Variants in CHAT observed in about 807,000 individuals in gnomAD.
CHAT encodes acetyl CoA:choline O-acetyltransferase.
Under a neutral mutation model 76.9 loss-of-function variants are expected in CHAT, and 61 were observed. The observed-to-expected ratio is 0.79, with a 90% CI of 0.65 to 0.98. The LOEUF (loss-of-function observed/expected upper bound fraction) is 0.98. Ranked by LOEUF, CHAT falls within the 50% of genes least tolerant of loss-of-function variation. The pLI is 0.00. For missense variants in CHAT, 946 were observed against 986.9 expected (o/e 0.96, Z 0.56); for synonymous variants, 407 against 397.4 (o/e 1.02, Z -0.29).
At chr10:49,637,566 CCTG>C (rs1182414810) in intron 7 of CHAT, 1 of 152,602 alleles carries the variant, frequency 6.6e-6, no homozygotes, top group Non-Finnish European at 1.5e-5. Flanking sequence ...CTCTGTCTCT[CCTG>C]CTGCCATGGG....
intron 7 of CHAT, among the ~76,000 whole-genome samples, chr10:49,632,854 T>C (rs1839171398): frequency 6.6e-6 from 1 of 152,112 alleles, no homozygotes; most frequent in Admixed American, 6.5e-5. Context: ...ACTGCCAGGG[T>C]GGCACAGCCC....
intron 7 of CHAT, among the ~76,000 whole-genome samples, chr10:49,632,652 T>C (rs17010202): frequency 0.027 from 4,084 of 152,208 alleles, 154 homozygotes; most frequent in African/African-American, 0.083. Context: ...GATTCTCATG[T>C]GGTCAACTAA....
At chr10:49,616,378 T>C (rs1838495344) in intron 1 of CHAT, 124 bp from the exon 2 acceptor site, 1 of 785,868 alleles carries the variant, frequency 1.3e-6, no homozygotes, top group South Asian at 1.5e-5. Context: ...GAGACCCCTA[T>C]ACACAGCTGT....
upstream of CHAT, chr10:49,612,740 T>TG (rs574209486): frequency 1.6e-4 from 31 of 194,748 alleles, no homozygotes; most frequent in East Asian, 3.1e-3. Flanking sequence ...TCTTTACTGG[T>TG]GGGGGGTGCG....
upstream of CHAT, chr10:49,612,795 T>TC (rs1277619104): frequency 6.0e-6 from 1 of 167,672 alleles, no homozygotes; most frequent in African/African-American, 2.4e-5. Flanking sequence ...GAACTGGGTC[T>TC]CCAAGTCCCA....
chr10:49,618,965 G>A lies in CHAT; in HGVS notation c.388-760G>A, dbSNP rs545114543. On this transcript the variant is annotated intron_variant, in intron 2 of 14. Transcript: ENST00000337653. ...GAGGAGCAGAGGCTTGGAGAGATTC[G>A]GAGAGGAAGGACATCCACTGCATCC... Among the ~76,000 whole-genome samples the A allele has an allele frequency of 5.3e-5, 8 of 152,224 alleles. No homozygotes were observed. The South Asian group carries it at 6.2e-4, about 12-fold the overall frequency.
chr10:49,644,867 T>C (rs1180262092), intron 7 of CHAT, among the ~76,000 whole-genome samples: 2 of 152,116 alleles, frequency 1.3e-5, no homozygotes, highest in East Asian at 3.9e-4. Flanking sequence ...ACCTAGGGGA[T>C]GGTCTTAAAG....
intron 11 of CHAT, among the ~76,000 whole-genome samples, chr10:49,654,721 C>T (rs1373464178): frequency 6.6e-6 from 1 of 152,244 alleles, no homozygotes; most frequent in Non-Finnish European, 1.5e-5. Flanking sequence ...AAACAGGATT[C>T]CCGCATAGGT....
intron 4 of CHAT, 81 bp downstream of exon 4, chr10:49,620,694 G>A: frequency 8.8e-7 from 1 of 1,133,266 alleles, no homozygotes; most frequent in Admixed American, 1.7e-5. Flanking sequence ...GCAAAGAAAG[G>A]CCAAAGCTGG....
intron 7 of CHAT, among the ~76,000 whole-genome samples, chr10:49,632,098 A>C (rs1188204938): frequency 6.6e-6 from 1 of 152,048 alleles, no homozygotes; most frequent in Non-Finnish European, 1.5e-5. Flanking sequence ...GTGGAGGAAA[A>C]CAACAGCATG....
chr10:49,646,668 C>A lies in CHAT; in HGVS notation c.1275C>A (p.Ser425=), dbSNP rs767778694. 279 of 1,613,474 alleles carry A rather than the reference C, an allele frequency of 1.7e-4. No homozygotes were observed. Among genetic ancestry groups the A allele is most frequent in the Non-Finnish European group, 2.3e-4 (270 of 1,180,030 alleles). ...KNGANRWYDK[S]LQFVVGRDGT... ...GGGCCAATCGCTGGTACGACAAGTC[C>A]CTGCAGGTAAGCCGTCCAGGTGGCC... Residue 425 remains serine, a synonymous_variant, in exon 8 of 15, where the codon TCC becomes TCA. Transcript: ENST00000337653.
At chr10:49,616,455 G>A (rs987706946) in intron 1 of CHAT, 47 bp from the exon 2 acceptor site, 30 of 1,429,796 alleles carry the variant, frequency 2.1e-5, no homozygotes, top group Non-Finnish European at 2.5e-5. Flanking sequence ...GTTTGTGACA[G>A]GCCTATGTGG....
Position 49,616,559 on chromosome 10 carries a change from T to TC in CHAT, c.349dup (p.Arg117ProfsTer2). On this transcript the variant is annotated frameshift_variant, in exon 2 of 15. Transcript: ENST00000337653. LOFTEE classifies it high-confidence loss of function. ...ACCAAGACGCCCATCCTGGAAAAGG[T>TC]CCCCCGTAAGATGGCAGCAAAAACT... is the stretch of plus-strand genomic sequence containing the variant. 1 of 1,612,806 alleles carries TC rather than the reference T, an allele frequency of 6.2e-7. No homozygotes were observed. Among genetic ancestry groups the TC allele is most frequent in the Non-Finnish European group, 8.5e-7 (1 of 1,179,426 alleles).
chr10:49,652,414 C>G (rs1395219740), intron 11 of CHAT, among the ~76,000 whole-genome samples: 1 of 152,148 alleles, frequency 6.6e-6, no homozygotes, highest in African/African-American at 2.4e-5. Context: ...ACCAGCAGCT[C>G]CCCCAGCTGA....
chr10:49,639,850 C>T (rs1469007083), intron 7 of CHAT, among the ~76,000 whole-genome samples: 1 of 150,546 alleles, frequency 6.6e-6, no homozygotes, highest in Non-Finnish European at 1.5e-5. Flanking sequence ...GTGACATAAA[C>T]ATCACCTTTT....
Position 49,665,080 on chromosome 10 carries a change from C to G in CHAT, c.*34C>G, listed in dbSNP as rs199684404. The G allele has an allele frequency of 6.2e-7, 1 of 1,611,910 alleles. No individual in the cohort carries two copies. The highest frequency in any genetic ancestry group is 1.7e-5 in the Admixed American group (1 of 60,026). Reference sequence around the variant, plus strand: ...ACTAGGTTTCACCTCCCAAACCCAGCCTCTAGAACAGCCAGACCCTGCAGA... The same window carrying G: ...ACTAGGTTTCACCTCCCAAACCCAGGCTCTAGAACAGCCAGACCCTGCAGA... On this transcript the variant is annotated 3_prime_UTR_variant, in exon 15 of 15. Transcript: ENST00000337653.
Position 49,648,535 on chromosome 10 carries a change from G to A in CHAT, c.1310G>A (p.Gly437Asp). 6.2e-7 allele frequency: 1 copy of A among 1,614,032 alleles called. No homozygotes were observed. The highest frequency in any genetic ancestry group is 8.5e-7 in the Non-Finnish European group (1 of 1,179,956). The change falls in exon 9 of 15, where the codon GGT becomes GAT. Residue 437 changes from glycine (G) to aspartate (D), a missense_variant. Coordinates refer to ENST00000337653, the MANE Select transcript of CHAT (RefSeq NM_020549.5). ...QFVVGRDGTC[G>D]VVCEHSPFDG... is the part of the protein sequence containing the mutation. ...GTGGTGGGCCGAGACGGCACCTGCG[G>A]TGTGGTGTGCGAACACTCCCCATTC...
At chr10:49,644,919 A>G (rs564503242) in intron 7 of CHAT, among the ~76,000 whole-genome samples, 5 of 152,180 alleles carry the variant, frequency 3.3e-5, no homozygotes, top group Non-Finnish European at 5.9e-5. Flanking sequence ...CCACATGCCC[A>G]AGGAAGGCAA....
chr10:49,658,361 C>CA (rs984656205), intron 13 of CHAT, among the ~76,000 whole-genome samples: 1 of 152,100 alleles, frequency 6.6e-6, no homozygotes, highest in African/African-American at 2.4e-5. Flanking sequence ...ACTAAAAATA[C>CA]AAAAAATTAG....
Sources: allele counts gnomAD v4.1 joint callset (sites outside exome capture counted in the v4.1 genomes callset), GRCh38; gene constraint gnomAD v4.1.1; transcripts MANE v1.5; gene names NCBI Gene and HGNC (gene_info 2026-07-23, HGNC 2026-07-21).